CYP3A5: variants seen among roughly 807,000 people sequenced by gnomAD.
CYP3A5 encodes cytochrome P450 family 3 subfamily A member 5, also known as cytochrome P450 3A5.
CYP3A5 carries 51 observed loss-of-function variants against 55.9 expected under a neutral mutation model. The ratio of observed to expected loss-of-function variants is 0.91; its 90% CI spans 0.73 to 1.15. The LOEUF (loss-of-function observed/expected upper bound fraction) is 1.15. CYP3A5 is among the 50% of genes most tolerant of loss of function. CYP3A5 has a pLI of 0.00. For missense variants in CYP3A5, 533 were observed against 596.6 expected (o/e 0.89, Z 1.11); for synonymous variants, 196 against 213.9 (o/e 0.92, Z 0.73).
At chr7:99,660,727 C>A in intron 9 of CYP3A5, 68 bp from the exon 10 acceptor site, 1 of 1,555,440 alleles carries the variant, frequency 6.4e-7, no homozygotes. Flanking sequence ...TAGATGAAAT[C>A]TAAGTGAAGC....
intron 12 of CYP3A5, 78 bp from the exon 13 acceptor site, chr7:99,648,478 T>A: frequency 8.2e-7 from 1 of 1,218,598 alleles, no homozygotes; most frequent in Non-Finnish European, 1.2e-6. Flanking sequence ...GTAGAAAAAA[T>A]ATGACAAAAA....
chr7:99,672,852 C>T, intron 3 of CYP3A5, 173 bp from the exon 4 acceptor site: 1 of 1,418,012 alleles, frequency 7.1e-7, no homozygotes, highest in African/African-American at 1.4e-5. Flanking sequence ...GCAAGAGTCT[C>T]ACACAGGAGC....
chr7:99,670,407 T>C (rs1350781863), intron 4 of CYP3A5, among the ~76,000 whole-genome samples: 1 of 152,232 alleles, frequency 6.6e-6, no homozygotes, highest in African/African-American at 2.4e-5. Context: ...TTTCGACATG[T>C]TGGCTAAACA....
intron 10 of CYP3A5, chr7:99,659,249 G>T (rs1395552007): frequency 6.6e-6 from 1 of 152,222 alleles, no homozygotes; most frequent in African/African-American, 2.4e-5. Flanking sequence ...GTACAGATGG[G>T]TTTTGGTGTG....
At chr7:99,663,750 T>G in intron 8 of CYP3A5, 1 of 1,211,796 alleles carries the variant, frequency 8.3e-7, no homozygotes, top group Admixed American at 4.4e-5. Flanking sequence ...GACATACTAA[T>G]TGTTGTGCCT....
rs147472467 is a variant in CYP3A5 at position 99,650,146 on chromosome 7, G to A, written c.1340C>T (p.Ala447Val). Residue 447 changes from alanine (A) to valine (V), a missense_variant, in exon 12 of 13, where the codon GCT (alanine) becomes GTT (valine). Coordinates refer to ENST00000222982, the MANE Select transcript of CYP3A5 (RefSeq NM_000777.5). Reference protein sequence around the residue: ...GPRNCIGMRFALMNMKLALIR... With the variant: ...GPRNCIGMRFVLMNMKLALIR... ...TAGAGCAAGTTTCATGTTCATGAGA[G>A]CAAACCTCATGCCAATGCAGTTTCT... is the stretch of plus-strand genomic sequence containing the variant. 35 of 1,614,018 alleles carry A rather than the reference G, an allele frequency of 2.2e-5. No individual in the cohort carries two copies. Among genetic ancestry groups the A allele is most frequent in the Non-Finnish European group, 2.6e-5 (31 of 1,179,984 alleles).
chr7:99,674,075 T>TA (rs1270588233), intron 3 of CYP3A5, among the ~76,000 whole-genome samples: 2 of 152,216 alleles, frequency 1.3e-5, no homozygotes, highest in Non-Finnish European at 2.9e-5. Context: ...AGAGGATTCT[T>TA]ATGCTTGTGT....
intron 10 of CYP3A5, chr7:99,660,293 A>C (rs1284423023): frequency 4.5e-6 from 5 of 1,105,656 alleles, no homozygotes; most frequent in Non-Finnish European, 5.5e-6. Flanking sequence ...AGGGCCAGCA[A>C]TATTGTACAA....
intron 10 of CYP3A5, chr7:99,660,253 A>ATTTTTTTTTTTTTTTT (rs1584431524): frequency 5.8e-6 from 1 of 171,790 alleles, no homozygotes; most frequent in Non-Finnish European, 7.6e-6. Context: ...TTTACTTAGC[A>ATTTTTTTTTTTTTTTT]TTATTGTGAT....
chr7:99,669,156 G>A (rs1811329551), intron 4 of CYP3A5, among the ~76,000 whole-genome samples: 1 of 152,168 alleles, frequency 6.6e-6, no homozygotes, highest in African/African-American at 2.4e-5. Context: ...GATGAAGGAA[G>A]ATTGTTCAAT....
At chr7:99,668,748 G>A (rs1189109657) in intron 4 of CYP3A5, among the ~76,000 whole-genome samples, 1 of 152,240 alleles carries the variant, frequency 6.6e-6, no homozygotes, top group Admixed American at 6.5e-5. Context: ...TCTGGACAAG[G>A]CAGAGCGCTG....
intron 1 of CYP3A5, chr7:99,677,254 A>T (rs1239507064): frequency 2.0e-6 from 2 of 985,318 alleles, no homozygotes; most frequent in Non-Finnish European, 2.4e-6. Flanking sequence ...GGAAGAAGAG[A>T]GGCTGAAGGA....
At position 99,650,125 on chromosome 7, in the gene CYP3A5, G is replaced by A. The variant is rs762666255; in HGVS notation, c.1361C>T (p.Ala454Val). Residue 454 changes from alanine (A) to valine (V), a missense_variant, in exon 12 of 13, where the codon GCT becomes GTT. Transcript: ENST00000222982. ...GAAGTTCTGAAGGACTCTGATTAGA[G>A]CAAGTTTCATGTTCATGAGAGCAAA... ...MRFALMNMKL[A>V]LIRVLQNFSF... 2.5e-6 allele frequency: 4 copies of A among 1,614,030 alleles called. No individual in the cohort carries two copies. In the South Asian group the frequency reaches 3.3e-5, roughly 13 times the overall value.
chr7:99,653,968 G>C lies in CYP3A5; in HGVS notation c.1027-1189C>G, dbSNP rs141437065. On this transcript the variant is annotated intron_variant, in intron 10 of 12. Transcript: ENST00000222982. The surrounding 1 kb of genome is among the most constrained non-coding windows in gnomAD (Gnocchi z 4.2). The stretch of plus-strand genomic sequence containing the variant: ...AGTCAGCCTCCATCGCGCCCCCAGG[G>C]CCAGGCTACCTCAGACCATAGCCAG... Among the ~76,000 whole-genome samples, 234 of 152,254 alleles carry C rather than the reference G, an allele frequency of 1.5e-3. No individual in the cohort carries two copies. Among genetic ancestry groups the C allele is most frequent in the African/African-American group, 5.2e-3 (216 of 41,552 alleles).
chr7:99,677,914 G>T (rs1253985585), intron 1 of CYP3A5, among the ~76,000 whole-genome samples: 1 of 152,234 alleles, frequency 6.6e-6, no homozygotes, highest in Non-Finnish European at 1.5e-5. Flanking sequence ...ATCTTGGTGA[G>T]TGTCTAGATT....
intron 10 of CYP3A5, chr7:99,660,141 C>T (rs1034767044): frequency 4.0e-5 from 32 of 802,818 alleles, no homozygotes; most frequent in Non-Finnish European, 4.7e-5. Flanking sequence ...AGAAATCATT[C>T]GTCTTCTGTG....
rs1410531215 is a variant in CYP3A5, at chr7:99,648,213, C to T, written c.*92G>A. On this transcript the variant is annotated 3_prime_UTR_variant, in exon 13 of 13. Transcript: ENST00000222982. ...ATGCAGTACATTAGATTAAGCCCAT[C>T]TTTATTTCAAGGTTTTATTGACTAA... The T allele has an allele frequency of 1.3e-6, 2 of 1,517,426 alleles. No homozygotes were observed. Among genetic ancestry groups the T allele is most frequent in the African/African-American group, 1.4e-5 (1 of 71,838 alleles). 94.0% of individuals were successfully genotyped at this position (1,517,426 alleles called of 1,614,324 possible).
rs557627636 is a variant in CYP3A5 at position 99,664,686 on chromosome 7, A to G, written c.670+480T>C. Among the ~76,000 whole-genome samples the G allele has an allele frequency of 8.5e-5, 13 of 152,340 alleles. No homozygotes were observed. In the South Asian group the frequency reaches 2.7e-3, roughly 32 times the overall value. Reference sequence around the variant, plus strand: ...AGGATGTAGCCAAACCAGTGCTCAGAGGGAAATTTATAGCTGTAATATCTA... The same window carrying G: ...AGGATGTAGCCAAACCAGTGCTCAGGGGGAAATTTATAGCTGTAATATCTA... On this transcript the variant is annotated intron_variant, in intron 7 of 12. Coordinates refer to ENST00000222982, the MANE Select transcript of CYP3A5 (RefSeq NM_000777.5).
At chr7:99,679,592 T>C (rs1812634645) in intron 1 of CYP3A5, among the ~76,000 whole-genome samples, 1 of 152,208 alleles carries the variant, frequency 6.6e-6, no homozygotes, top group African/African-American at 2.4e-5. Context: ...TACCAAATGC[T>C]GTCCCTAAAC....
Sources: allele counts gnomAD v4.1 joint callset (sites outside exome capture counted in the v4.1 genomes callset), GRCh38; gene constraint gnomAD v4.1.1; non-coding constraint Gnocchi (gnomAD v3.1); transcripts MANE v1.5; gene names NCBI Gene and HGNC (gene_info 2026-07-23, HGNC 2026-07-21).